PLD5: variants seen among roughly 807,000 people sequenced by gnomAD.
PLD5 encodes the protein inactive phospholipase D5.
In PLD5, 36 loss-of-function variants were observed where a neutral mutation model predicts 61.1. The observed-to-expected ratio is 0.59, with a 90% CI of 0.45 to 0.78. The LOEUF (loss-of-function observed/expected upper bound fraction) is 0.78. Ranked by LOEUF, PLD5 falls within the 30% of genes least tolerant of loss-of-function variation. PLD5 has a pLI of 0.00. For missense variants in PLD5, 515 were observed against 644.4 expected, an observed-to-expected ratio of 0.80 and a Z score of 2.17; for synonymous variants, 243 against 242.8, an observed-to-expected ratio of 1.00 and a Z score of -0.01.
At chr1:242,480,053 A>G (rs908600331) in intron 1 of PLD5, among the ~76,000 whole-genome samples, 10 of 138,702 alleles carry the variant, frequency 7.2e-5, no homozygotes, top group East Asian at 2.1e-4. Context: ...CTGTCTCAGA[A>G]AAAAAAAAAA....
At chr1:242,418,779 TG>T (rs1420537570) in intron 1 of PLD5, among the ~76,000 whole-genome samples, 1 of 152,180 alleles carries the variant, frequency 6.6e-6, no homozygotes, top group Non-Finnish European at 1.5e-5. Context: ...CCCCATAGTG[TG>T]CTCCTTCCAG....
At chr1:242,369,611 G>C (rs1391340219) in intron 1 of PLD5, among the ~76,000 whole-genome samples, 2 of 152,186 alleles carry the variant, frequency 1.3e-5, no homozygotes, top group African/African-American at 2.4e-5. Context: ...ATCAGGAAGA[G>C]AGAGGTTTTG....
At chr1:242,375,117 C>T (rs1269357666) in intron 1 of PLD5, among the ~76,000 whole-genome samples, 2 of 152,168 alleles carry the variant, frequency 1.3e-5, no homozygotes, top group East Asian at 3.9e-4. Context: ...CCCCGAGCTG[C>T]GTAACCATCC....
intron 5 of PLD5, among the ~76,000 whole-genome samples, chr1:242,158,860 C>T (rs900434985): frequency 4.6e-5 from 7 of 152,146 alleles, no homozygotes; most frequent in African/African-American, 1.4e-4. Context: ...CTCAACTGTG[C>T]CCACTCTACT....
intron 2 of PLD5, among the ~76,000 whole-genome samples, chr1:242,314,106 C>T (rs1457012787): frequency 5.9e-5 from 9 of 152,104 alleles, no homozygotes; most frequent in South Asian, 2.1e-4. Context: ...TTCCCAACCT[C>T]GAGAAGGTTG....
chr1:242,122,105 G>C (rs1383087123), intron 6 of PLD5, among the ~76,000 whole-genome samples: 1 of 152,038 alleles, frequency 6.6e-6, no homozygotes, highest in Non-Finnish European at 1.5e-5. Context: ...CAAAAGAAAA[G>C]GTATTACACA....
chr1:242,524,329 G>A lies in PLD5; in HGVS notation c.-53C>T, dbSNP rs1669376875. ...AGCAGCGGACTCGGGACGGGCGCGC[G>A]GGGAGCCGGGCGCGGAGGGCGAGCG... On this transcript the variant is annotated 5_prime_UTR_variant, in exon 1 of 10. Transcript: ENST00000536534. 3 of 1,351,826 alleles carry A rather than the reference G, an allele frequency of 2.2e-6. No individual in the cohort carries two copies. Among genetic ancestry groups the A allele is most frequent in the Non-Finnish European group, 2.8e-6 (3 of 1,058,344 alleles). 83.7% of individuals were successfully genotyped at this position (1,351,826 alleles called of 1,614,324 possible). A position where few individuals can be genotyped will look rare whatever the true frequency, so the allele number is the denominator to read the frequency against.
At chr1:242,368,509 G>C (rs982299865) in intron 1 of PLD5, among the ~76,000 whole-genome samples, 11 of 152,186 alleles carry the variant, frequency 7.2e-5, no homozygotes, top group Admixed American at 5.9e-4. Flanking sequence ...GTGAAATGCA[G>C]GGTTTTTATA....
intron 1 of PLD5, among the ~76,000 whole-genome samples, chr1:242,350,542 C>G (rs1328696454): frequency 6.6e-6 from 1 of 151,972 alleles, no homozygotes; most frequent in Non-Finnish European, 1.5e-5. Context: ...ACTTTATCAC[C>G]AAAGCCACAT....
intron 5 of PLD5, among the ~76,000 whole-genome samples, chr1:242,180,992 A>G (rs897046367): frequency 2.6e-5 from 4 of 151,904 alleles, no homozygotes; most frequent in African/African-American, 4.8e-5. Context: ...CAAAAAACAA[A>G]CAAACAAACA....
At chr1:242,343,576 G>A (rs922057958) in intron 2 of PLD5, among the ~76,000 whole-genome samples, 6 of 150,890 alleles carry the variant, frequency 4.0e-5, no homozygotes, top group African/African-American at 1.5e-4. Flanking sequence ...ATTCAATGGT[G>A]CTTCTCCAAA....
At position 242,321,440 on chromosome 1, in the gene PLD5, A is replaced by T. The variant is rs190131365; in HGVS notation, c.326+26666T>A. Among the ~76,000 whole-genome samples, 1,387 of 151,936 alleles carry T rather than the reference A, an allele frequency of 9.1e-3. 14 individuals carry two copies. Among genetic ancestry groups the T allele is most frequent in the African/African-American group, 0.018 (754 of 41,424 alleles). On this transcript the variant is annotated intron_variant, in intron 2 of 9. Transcript: ENST00000536534. ...TGCCTCAGCCTCCCAAGTAGCTGGGATTACAGGCACCTGCAACCATGCCCA... is the reference window on the plus strand; with the variant it reads ...TGCCTCAGCCTCCCAAGTAGCTGGGTTTACAGGCACCTGCAACCATGCCCA...
At chr1:242,183,979 A>G (rs996148052) in intron 5 of PLD5, among the ~76,000 whole-genome samples, 1 of 152,216 alleles carries the variant, frequency 6.6e-6, no homozygotes, top group Non-Finnish European at 1.5e-5. Context: ...CTTCATATTT[A>G]TTTATATCCT....
chr1:242,371,686 G>A (rs1198744542), intron 1 of PLD5, among the ~76,000 whole-genome samples: 1 of 152,042 alleles, frequency 6.6e-6, no homozygotes, highest in Non-Finnish European at 1.5e-5. Context: ...AGCTTGCATG[G>A]GGCTTTCCCT....
In PLD5 at chr1:242,220,047, C is replaced by T. The variant is rs1670466696; in HGVS notation, c.676G>A (p.Val226Met). Residue 226 changes from valine (V) to methionine (M), a missense_variant, in exon 5 of 10, where the codon GTG (valine) becomes ATG (methionine). This residue lies in a region of PLD5 where 450 missense variants were observed against 598.1 expected (regional missense o/e 0.75). Coordinates refer to ENST00000536534, the MANE Select transcript of PLD5 (RefSeq NM_001372062.1). ...KGRLQSSFWI[V>M]DKQHVYIGSA... ...CCGATATACACGTGCTGTTTGTCCACGATCCAGAAGGAGGACTGCAGCCGG... is the reference window on the plus strand; with the variant it reads ...CCGATATACACGTGCTGTTTGTCCATGATCCAGAAGGAGGACTGCAGCCGG... 1 of 1,614,192 alleles carries T rather than the reference C, an allele frequency of 6.2e-7. No homozygotes were observed. The highest frequency in any genetic ancestry group is 1.7e-5 in the Admixed American group (1 of 60,026).
chr1:242,485,508 G>A (rs1367847125), intron 1 of PLD5, among the ~76,000 whole-genome samples: 1 of 152,090 alleles, frequency 6.6e-6, no homozygotes, highest in Non-Finnish European at 1.5e-5. Context: ...AATTTACAAG[G>A]GATGTGAAGG....
chr1:242,179,286 G>C (rs1039466286), intron 5 of PLD5, among the ~76,000 whole-genome samples: 1 of 152,130 alleles, frequency 6.6e-6, no homozygotes, highest in Non-Finnish European at 1.5e-5. Flanking sequence ...GAGGGCAAGG[G>C]GAGCAGACGG....
chr1:242,136,324 A>C (rs556864026), intron 5 of PLD5, among the ~76,000 whole-genome samples: 4 of 152,260 alleles, frequency 2.6e-5, no homozygotes, highest in African/African-American at 9.6e-5. Flanking sequence ...CAAAACATTC[A>C]GTTAGAATTT....
chr1:242,160,398 C>T (rs1298679113), intron 5 of PLD5, among the ~76,000 whole-genome samples: 1 of 152,132 alleles, frequency 6.6e-6, no homozygotes, highest in Non-Finnish European at 1.5e-5. Context: ...AGAGAGATCA[C>T]ACCCCTAACT....
Sources: gnomAD v4.1 joint callset for allele counts (sites outside exome capture counted in the v4.1 genomes callset) on GRCh38, gnomAD v4.1.1 for gene constraint, gnomAD v4.1.1 regional missense constraint, MANE v1.5 for transcripts, NCBI Gene and HGNC (gene_info 2026-07-23, HGNC 2026-07-21) for gene names.